The following RALGAPA2 variants were observed in gnomAD, a reference collection of about 807,000 sequenced individuals.
RALGAPA2 encodes the protein ral GTPase-activating protein subunit alpha-2.
A neutral mutation model predicts 230.4 loss-of-function variants in RALGAPA2; 139 were observed. That is an observed-to-expected ratio of 0.60 (90% CI 0.53 to 0.69). RALGAPA2 has a LOEUF of 0.69. RALGAPA2 is among the 30% of genes least tolerant of loss of function. The pLI is 0.00. For synonymous variants in RALGAPA2, 847 were observed against 837.8 expected (o/e 1.01, Z -0.19); for missense variants, 2,163 against 2,276.0 (o/e 0.95, Z 1.01).
intron 16 of RALGAPA2, among the ~76,000 whole-genome samples, chr20:20,596,641 T>C (rs898909558): frequency 6.6e-6 from 1 of 152,224 alleles, no homozygotes; most frequent in African/African-American, 2.4e-5. Flanking sequence ...ACTATCATAG[T>C]TGGAATGTCA....
chr20:20,443,734 G>A lies in RALGAPA2; in HGVS notation c.5495+29095C>T, dbSNP rs532609876. Among the ~76,000 whole-genome samples, 16 of 152,356 alleles carry A rather than the reference G, an allele frequency of 1.1e-4. No individual in the cohort carries two copies. The East Asian group carries it at 2.1e-3, about 20-fold the overall frequency. On this transcript the variant is annotated intron_variant, in intron 37 of 39. Transcript: ENST00000202677. Reference sequence around the variant, plus strand: ...ATGTGACTCCTCTGGGCCTGTTTCCGCATGGCTAAATGATGAACACAGTGG... The same window carrying A: ...ATGTGACTCCTCTGGGCCTGTTTCCACATGGCTAAATGATGAACACAGTGG...
At chr20:20,504,355 T>C (rs2062465827) in intron 34 of RALGAPA2, among the ~76,000 whole-genome samples, 1 of 151,550 alleles carries the variant, frequency 6.6e-6, no homozygotes, top group Non-Finnish European at 1.5e-5. Context: ...CTTACCCTGT[T>C]TCCATCCCTG....
At chr20:20,491,982 C>A (rs900884121) in intron 36 of RALGAPA2, among the ~76,000 whole-genome samples, 4 of 151,898 alleles carry the variant, frequency 2.6e-5, no homozygotes, top group Admixed American at 6.6e-5. Flanking sequence ...TAAGAGGAGG[C>A]GGATTCTGCC....
intron 3 of RALGAPA2, among the ~76,000 whole-genome samples, chr20:20,654,144 T>C (rs556251359): frequency 5.9e-5 from 9 of 152,302 alleles, no homozygotes; most frequent in Admixed American, 3.3e-4. Flanking sequence ...TCCCCAAACT[T>C]TTACAAATTT....
chr20:20,414,656 A>G (rs1182517534), intron 37 of RALGAPA2, among the ~76,000 whole-genome samples: 3 of 152,162 alleles, frequency 2.0e-5, no homozygotes, highest in African/African-American at 7.2e-5. Flanking sequence ...GAGGAGTAAT[A>G]ATGAAGTTGT....
At chr20:20,533,376 T>TAA (rs368625605) in intron 26 of RALGAPA2, among the ~76,000 whole-genome samples, 2 of 151,188 alleles carry the variant, frequency 1.3e-5, no homozygotes, top group Admixed American at 1.3e-4. Context: ...GTCTTTAAGA[T>TAA]AAAAAAAAAT....
At chr20:20,531,988 T>A (rs937294588) in intron 26 of RALGAPA2, among the ~76,000 whole-genome samples, 193 bp from the exon 27 acceptor site, 2 of 152,198 alleles carry the variant, frequency 1.3e-5, no homozygotes, top group African/African-American at 4.8e-5. Flanking sequence ...AATAGAAATA[T>A]TGATAATGGT....
chr20:20,512,216 A>ACC (rs1403287791), intron 32 of RALGAPA2, among the ~76,000 whole-genome samples: 1 of 124,566 alleles, frequency 8.0e-6, no homozygotes, highest in South Asian at 2.6e-4. Context: ...AACAACAACA[A>ACC]CCCCCCCTAC....
intron 38 of RALGAPA2, among the ~76,000 whole-genome samples, chr20:20,400,791 T>C (rs533150166): frequency 6.6e-6 from 1 of 152,282 alleles, no homozygotes; most frequent in South Asian, 2.1e-4. Flanking sequence ...CGAATGTCCA[T>C]CAACTGGTGA....
At chr20:20,571,412 C>T (rs757146121) in intron 23 of RALGAPA2, 46 bp downstream of exon 23, 2 of 1,544,826 alleles carry the variant, frequency 1.3e-6, no homozygotes, top group Middle Eastern at 2.3e-4. Context: ...GAGTGATATG[C>T]TATTTCCAAT....
At chr20:20,558,004 A>AT (rs1452791961) in intron 23 of RALGAPA2, among the ~76,000 whole-genome samples, 1 of 151,716 alleles carries the variant, frequency 6.6e-6, no homozygotes, top group Non-Finnish European at 1.5e-5. Context: ...TATTTTTTCA[A>AT]TTTTTTTATT....
chr20:20,501,534 C>T (rs2062375656), intron 35 of RALGAPA2, among the ~76,000 whole-genome samples: 1 of 152,174 alleles, frequency 6.6e-6, no homozygotes, highest in African/African-American at 2.4e-5. Context: ...TAGGCTCTGG[C>T]TTAAGGGAAT....
intron 31 of RALGAPA2, among the ~76,000 whole-genome samples, chr20:20,520,155 T>C (rs1411179262): frequency 1.3e-5 from 2 of 152,236 alleles, no homozygotes; most frequent in Non-Finnish European, 2.9e-5. Context: ...CTTGCATACC[T>C]ATAGGACAAT....
intron 37 of RALGAPA2, among the ~76,000 whole-genome samples, chr20:20,448,899 C>T (rs1451988714): frequency 6.6e-6 from 1 of 151,602 alleles, no homozygotes; most frequent in East Asian, 1.9e-4. Context: ...GGTAAATCTG[C>T]CTTCAAGTTA....
chr20:20,617,613 C>A (rs1231551904), intron 12 of RALGAPA2, among the ~76,000 whole-genome samples: 1 of 152,080 alleles, frequency 6.6e-6, no homozygotes, highest in Non-Finnish European at 1.5e-5. Context: ...TATACTTTTA[C>A]TTTTTACAAA....
At chr20:20,594,193 C>CT (rs1050875079) in intron 16 of RALGAPA2, among the ~76,000 whole-genome samples, 74 of 152,244 alleles carry the variant, frequency 4.9e-4, no homozygotes, top group Middle Eastern at 6.8e-3. Context: ...ATCCAATTTC[C>CT]TGATTTGTAA....
At chr20:20,432,716 T>C (rs2060526000) in intron 37 of RALGAPA2, among the ~76,000 whole-genome samples, 1 of 152,212 alleles carries the variant, frequency 6.6e-6, no homozygotes, top group Non-Finnish European at 1.5e-5. Context: ...ACTATTTATT[T>C]ATTTAGAATG....
chr20:20,498,637 C>T (rs1229741049), intron 35 of RALGAPA2, among the ~76,000 whole-genome samples: 1 of 152,174 alleles, frequency 6.6e-6, no homozygotes, highest in Non-Finnish European at 1.5e-5. Context: ...CCCCATTGTT[C>T]AGCTGACAGT....
At chr20:20,434,248 A>G (rs1366252077) in intron 37 of RALGAPA2, among the ~76,000 whole-genome samples, 3 of 152,170 alleles carry the variant, frequency 2.0e-5, no homozygotes, top group African/African-American at 7.2e-5. Context: ...CTGGCCTCTC[A>G]TGGGAACTCA....
Sources: gnomAD v4.1 joint callset for allele counts (sites outside exome capture counted in the v4.1 genomes callset) on GRCh38, gnomAD v4.1.1 for gene constraint, MANE v1.5 for transcripts, NCBI Gene and HGNC (gene_info 2026-07-23, HGNC 2026-07-21) for gene names.